The following DGKI variants were observed in gnomAD, a reference collection of about 807,000 sequenced individuals.
DGKI encodes the protein DAG kinase iota.
A neutral mutation model predicts 147.5 loss-of-function variants in DGKI; 55 were observed. The observed-to-expected ratio is 0.37, with a 90% CI of 0.30 to 0.47. The LOEUF (loss-of-function observed/expected upper bound fraction) is 0.47. Ranked by LOEUF, DGKI falls within the 20% of genes least tolerant of loss-of-function variation. DGKI has a pLI of 1.00. For missense variants in DGKI, 1,007 were observed against 1,323.8 expected, an observed-to-expected ratio of 0.76 and a Z score of 3.71; for synonymous variants, 469 against 477.1, an observed-to-expected ratio of 0.98 and a Z score of 0.22.
rs3800606 is a variant in DGKI at position 137,573,978 on chromosome 7, T to C, written c.1762-1140A>G. Among the ~76,000 whole-genome samples the C allele has an allele frequency of 4.2e-3, 645 of 152,360 alleles. 19 individuals carry two copies. In the East Asian group the frequency reaches 0.088, roughly 21 times the overall value. On this transcript the variant is annotated intron_variant, in intron 17 of 32. Coordinates refer to ENST00000614521, the MANE Select transcript of DGKI (RefSeq NM_001321708.2). The stretch of plus-strand genomic sequence containing the variant: ...CAAAGGCGTAAAGCCTGCTCTCGTA[T>C]TTGCTTTCCTTATACCCTTATCACA...
At chr7:137,664,284 A>T (rs1822550523) in intron 3 of DGKI, among the ~76,000 whole-genome samples, 1 of 150,550 alleles carries the variant, frequency 6.6e-6, no homozygotes, top group South Asian at 2.1e-4. Flanking sequence ...AGGCTGAGGC[A>T]TGAGAATCAC....
intron 6 of DGKI, among the ~76,000 whole-genome samples, chr7:137,635,812 A>T (rs1480312156): frequency 6.6e-6 from 1 of 152,214 alleles, no homozygotes; most frequent in Non-Finnish European, 1.5e-5. Flanking sequence ...TACAGAAACC[A>T]GTGAGAGAAA....
At chr7:137,492,885 G>A (rs1009972640) in intron 21 of DGKI, among the ~76,000 whole-genome samples, 16 of 152,232 alleles carry the variant, frequency 1.1e-4, no homozygotes, top group Non-Finnish European at 2.1e-4. Flanking sequence ...TAGCTCCTGC[G>A]CTGGCTGACT....
intron 28 of DGKI, among the ~76,000 whole-genome samples, chr7:137,422,590 CTTTTCT>C (rs1812615452): frequency 1.7e-5 from 1 of 58,372 alleles, no homozygotes; most frequent in African/African-American, 5.5e-5. Context: ...TTTTCTTTTT[CTTTTCT>C]TTTTTTTTTT....
In DGKI at chr7:137,675,510, C is replaced by T. The variant is rs186786090; in HGVS notation, c.606+3047G>A. Among the ~76,000 whole-genome samples the T allele has an allele frequency of 1.3e-3, 192 of 151,986 alleles. No homozygotes were observed. In the East Asian group the frequency reaches 0.014, roughly 11 times the overall value. The stretch of plus-strand genomic sequence containing the variant: ...GACCAGCCTGGTCAACCTGGTGAAA[C>T]CCCGTCTCTACTAAAAATACAAAAA... On this transcript the variant is annotated intron_variant, in intron 3 of 32. Coordinates refer to ENST00000614521, the MANE Select transcript of DGKI (RefSeq NM_001321708.2).
rs1281745895 is a variant in DGKI, at chr7:137,585,233, T to C, written c.1539A>G (p.Glu513=). Residue 513 remains glutamate, a synonymous_variant, in exon 14 of 33, where the codon GAA becomes GAG. Transcript: ENST00000614521. ...HVERNPDLPP[E]ELEDGVCKLP... is the part of the protein sequence containing the mutation. Reference sequence around the variant, plus strand: ...CCTTACATACGCCATCTTCAAGTTCTTCTGGAGGCAAGTCGGGGTTTCTTT... The same window carrying C: ...CCTTACATACGCCATCTTCAAGTTCCTCTGGAGGCAAGTCGGGGTTTCTTT... 1.2e-6 allele frequency: 2 copies of C among 1,614,194 alleles called. No individual in the cohort carries two copies.
rs1032670174 is a variant in DGKI at position 137,447,754 on chromosome 7, A to T, written c.2736-3652T>A. On this transcript the variant is annotated intron_variant, in intron 27 of 32. Coordinates refer to ENST00000614521, the MANE Select transcript of DGKI (RefSeq NM_001321708.2). ...ATTTACCTTCTAAGCTAAATGGAGC[A>T]AGCTTGTGAGGCAGAGAAGTCACAC... is the stretch of plus-strand genomic sequence containing the variant. Among the ~76,000 whole-genome samples, 8 of 152,376 alleles carry T rather than the reference A, an allele frequency of 5.3e-5. 1 individual carries two copies. The East Asian group carries it at 1.5e-3, about 29-fold the overall frequency.
chr7:137,546,340 T>C (rs984231292), intron 20 of DGKI, among the ~76,000 whole-genome samples: 1 of 152,218 alleles, frequency 6.6e-6, no homozygotes, highest in South Asian at 2.1e-4. Flanking sequence ...TATTGAGTGG[T>C]AGGCTGGCAT....
intron 8 of DGKI, among the ~76,000 whole-genome samples, chr7:137,618,995 T>C (rs1052001754): frequency 2.6e-5 from 4 of 152,194 alleles, no homozygotes; most frequent in Admixed American, 1.3e-4. Flanking sequence ...ATGAATCACA[T>C]GATGAGTCTG....
intron 1 of DGKI, among the ~76,000 whole-genome samples, chr7:137,820,285 C>T (rs1214298722): frequency 6.6e-6 from 1 of 152,214 alleles, no homozygotes; most frequent in Non-Finnish European, 1.5e-5. Context: ...CACACTTTGT[C>T]AGACAGACCA....
intron 6 of DGKI, among the ~76,000 whole-genome samples, chr7:137,632,961 C>A (rs975008232): frequency 3.3e-5 from 5 of 151,652 alleles, no homozygotes; most frequent in Non-Finnish European, 7.4e-5. Context: ...GCCTGTAATC[C>A]CAGCACTTTG....
Position 137,384,386 on chromosome 7 carries a change from AAACT to A in DGKI, c.*6830_*6833del, listed in dbSNP as rs1423078467. On this transcript the variant is annotated 3_prime_UTR_variant, in exon 33 of 33. Coordinates refer to ENST00000614521, the MANE Select transcript of DGKI (RefSeq NM_001321708.2). ...TATTTCTAACTCATTCTTTCCGTGG[AAACT>A]TAGGTAAACATTTTTTTTTCATGGA... is the stretch of plus-strand genomic sequence containing the variant. The A allele has an allele frequency of 1.5e-5, 2 of 130,082 alleles. No individual in the cohort carries two copies. Among genetic ancestry groups the A allele is most frequent in the Admixed American group, 1.8e-4 (2 of 11,170 alleles). The allele number at this position is 130,082 out of a possible 1,614,324, so 8.1% of individuals were successfully genotyped here.
chr7:137,697,327 C>T (rs896323144), intron 1 of DGKI, among the ~76,000 whole-genome samples: 3 of 152,158 alleles, frequency 2.0e-5, no homozygotes, highest in Admixed American at 2.0e-4. Flanking sequence ...ACTAATAATA[C>T]TTAAACAGAA....
chr7:137,727,121 A>G (rs1794739403), intron 1 of DGKI, among the ~76,000 whole-genome samples: 1 of 152,126 alleles, frequency 6.6e-6, no homozygotes, highest in African/African-American at 2.4e-5. Flanking sequence ...TGTTATTTCC[A>G]TGGAAATAAG....
intron 1 of DGKI, among the ~76,000 whole-genome samples, chr7:137,704,657 A>G (rs1458838674): frequency 6.6e-6 from 1 of 152,216 alleles, no homozygotes; most frequent in Non-Finnish European, 1.5e-5. Context: ...ATTAATCTAT[A>G]CATTCAACAG....
chr7:137,440,239 T>A (rs777920966), intron 28 of DGKI, among the ~76,000 whole-genome samples: 7 of 152,228 alleles, frequency 4.6e-5, no homozygotes, highest in Admixed American at 6.5e-5. Flanking sequence ...AGTTTCCAGA[T>A]GTAACATTAA....
intron 31 of DGKI, among the ~76,000 whole-genome samples, chr7:137,396,573 G>A (rs1244288135): frequency 6.6e-6 from 1 of 152,212 alleles, no homozygotes; most frequent in Non-Finnish European, 1.5e-5. Flanking sequence ...ATGTGGACCA[G>A]CTCTATGGAG....
At chr7:137,501,813 C>T (rs1178391104) in intron 21 of DGKI, among the ~76,000 whole-genome samples, 2 of 152,222 alleles carry the variant, frequency 1.3e-5, no homozygotes, top group East Asian at 1.9e-4. Context: ...CTGCTTGGAG[C>T]CTGATATGGT....
chr7:137,832,710 T>C (rs780902075), intron 1 of DGKI, among the ~76,000 whole-genome samples: 12 of 152,246 alleles, frequency 7.9e-5, no homozygotes, highest in African/African-American at 1.2e-4. Flanking sequence ...TCATTACTTA[T>C]GCAAATTTCT....
Sources: gnomAD v4.1 joint callset for allele counts (sites outside exome capture counted in the v4.1 genomes callset) on GRCh38, gnomAD v4.1.1 for gene constraint, MANE v1.5 for transcripts, NCBI Gene and HGNC (gene_info 2026-07-23, HGNC 2026-07-21) for gene names.